The following NRG1 variants were observed in gnomAD, a reference collection of about 807,000 sequenced individuals.
NRG1 encodes pro-neuregulin-1, membrane-bound isoform.
In NRG1, 18 loss-of-function variants were observed where a neutral mutation model predicts 63.8. The observed-to-expected ratio is 0.28, with a 90% CI of 0.19 to 0.42. The LOEUF is 0.42. Among genes scored for constraint, NRG1 ranks in the 10% least tolerant of loss-of-function variants. The pLI is 1.00. For synonymous variants in NRG1, 302 were observed against 301.3 expected (o/e 1.00, Z -0.02); for missense variants, 762 against 814.7 (o/e 0.94, Z 0.79).
chr8:31,850,797 C>T (rs2129608964), intron 1 of NRG1, among the ~76,000 whole-genome samples: 1 of 152,282 alleles, frequency 6.6e-6, no homozygotes, highest in East Asian at 1.9e-4. Flanking sequence ...CTCTCACCAC[C>T]CGTTTGCTTA....
intron 1 of NRG1, among the ~76,000 whole-genome samples, chr8:32,446,863 G>C (rs1820309664): frequency 6.6e-6 from 1 of 152,086 alleles, no homozygotes; most frequent in South Asian, 2.1e-4. Flanking sequence ...ACTCCTGAGA[G>C]AAGTTTAGGG....
intron 5 of NRG1, among the ~76,000 whole-genome samples, chr8:32,659,593 T>A (rs746106388): frequency 1.3e-5 from 2 of 152,204 alleles, no homozygotes; most frequent in East Asian, 3.9e-4. Flanking sequence ...CACAAATTAC[T>A]TTTATTTTCA....
chr8:32,309,481 G>A (rs1324509250), intron 1 of NRG1, among the ~76,000 whole-genome samples: 1 of 152,094 alleles, frequency 6.6e-6, no homozygotes, highest in African/African-American at 2.4e-5. Flanking sequence ...TCATGTACAC[G>A]TGAAATTAAT....
At chr8:32,141,739 A>C (rs999526782) in intron 1 of NRG1, among the ~76,000 whole-genome samples, 3 of 151,506 alleles carry the variant, frequency 2.0e-5, no homozygotes, top group Non-Finnish European at 2.9e-5. Context: ...AAAGATCAGC[A>C]TACACATTCG....
chr8:32,119,313 G>A (rs1234100773), intron 1 of NRG1, among the ~76,000 whole-genome samples: 2 of 152,070 alleles, frequency 1.3e-5, no homozygotes, highest in Non-Finnish European at 2.9e-5. Flanking sequence ...GTCACGTAGC[G>A]ACTATTCGCT....
chr8:32,429,018 T>C (rs909646214), intron 1 of NRG1, among the ~76,000 whole-genome samples: 6 of 152,246 alleles, frequency 3.9e-5, no homozygotes, highest in Admixed American at 2.6e-4. Context: ...ATGTGTTAGG[T>C]TTTTGTTAGT....
intron 1 of NRG1, among the ~76,000 whole-genome samples, chr8:31,785,610 C>T (rs1820096286): frequency 6.6e-6 from 1 of 152,160 alleles, no homozygotes; most frequent in South Asian, 2.1e-4. Context: ...GTGTTTTGTA[C>T]TTTTCAAATT....
intron 1 of NRG1, among the ~76,000 whole-genome samples, chr8:31,964,708 A>G (rs2129626934): frequency 6.6e-6 from 1 of 152,262 alleles, no homozygotes; most frequent in Non-Finnish European, 1.5e-5. Flanking sequence ...CAATGGGAAA[A>G]ATCGCAGTTG....
intron 1 of NRG1, among the ~76,000 whole-genome samples, chr8:32,082,743 T>C (rs913379224): frequency 8.5e-5 from 13 of 152,160 alleles, no homozygotes; most frequent in African/African-American, 2.7e-4. Flanking sequence ...TAAGAACAGA[T>C]AGTAGAATAG....
At chr8:31,866,884 G>T (rs1585366733) in intron 1 of NRG1, among the ~76,000 whole-genome samples, 1 of 152,108 alleles carries the variant, frequency 6.6e-6, no homozygotes, top group South Asian at 2.1e-4. Flanking sequence ...TTATTGAATT[G>T]TCTAGGTAAT....
intron 1 of NRG1, among the ~76,000 whole-genome samples, chr8:32,515,420 G>A (rs1588072238): frequency 6.6e-6 from 1 of 151,410 alleles, no homozygotes; most frequent in South Asian, 2.1e-4. Context: ...GAGAAGAAGT[G>A]TCTGTTCATG....
chr8:31,826,097 G>T (rs76855043), intron 1 of NRG1, among the ~76,000 whole-genome samples: 2,103 of 152,210 alleles, frequency 0.014, 57 homozygotes, highest in African/African-American at 0.048. Context: ...AGTCATGCAC[G>T]TTGCCAGCTG....
At chr8:32,334,595 T>C (rs1351151279) in intron 1 of NRG1, among the ~76,000 whole-genome samples, 3 of 152,194 alleles carry the variant, frequency 2.0e-5, no homozygotes, top group Non-Finnish European at 2.9e-5. Context: ...GCATGTAAGA[T>C]CTTGGTACTT....
chr8:32,391,523 C>T (rs758381966), intron 1 of NRG1, among the ~76,000 whole-genome samples: 16 of 152,086 alleles, frequency 1.1e-4, no homozygotes, highest in African/African-American at 2.4e-4. Flanking sequence ...TGACCCTCCA[C>T]GCCCAGATAG....
At chr8:32,618,801 G>A (rs142347015) in intron 5 of NRG1, among the ~76,000 whole-genome samples, 1 of 152,180 alleles carries the variant, frequency 6.6e-6, no homozygotes, top group African/African-American at 2.4e-5. Context: ...TAGAGGAGGG[G>A]AGGGGATAAG....
At chr8:31,950,309 C>T (rs191440007) in intron 1 of NRG1, among the ~76,000 whole-genome samples, 4 of 152,272 alleles carry the variant, frequency 2.6e-5, no homozygotes, top group Admixed American at 2.6e-4. Flanking sequence ...TAAAAATTTC[C>T]ATTTCTTTTT....
At chr8:32,545,505 C>A (rs1832986687), upstream of NRG1, among the ~76,000 whole-genome samples, 1 of 151,000 alleles carries the variant, frequency 6.6e-6, no homozygotes, top group Non-Finnish European at 1.5e-5. Flanking sequence ...AATATTCTTC[C>A]TCTTTTCTCC....
chr8:32,509,388 C>A (rs1828917317), intron 1 of NRG1, among the ~76,000 whole-genome samples: 1 of 152,190 alleles, frequency 6.6e-6, no homozygotes, highest in Non-Finnish European at 1.5e-5. Flanking sequence ...GTCACCACAT[C>A]CGGCCTGAAT....
At chr8:32,091,768 T>G (rs1829196026) in intron 1 of NRG1, among the ~76,000 whole-genome samples, 2 of 152,152 alleles carry the variant, frequency 1.3e-5, no homozygotes, top group Non-Finnish European at 2.9e-5. Context: ...GCAAATTGCC[T>G]AACATTTAGA....
Sources: allele counts gnomAD v4.1 joint callset (sites outside exome capture counted in the v4.1 genomes callset), GRCh38; gene constraint gnomAD v4.1.1; transcripts MANE v1.5; gene names NCBI Gene and HGNC (gene_info 2026-07-23, HGNC 2026-07-21).